NPAT: variants seen among roughly 807,000 people sequenced by gnomAD.
The protein encoded by NPAT is protein NPAT.
A neutral mutation model predicts 130.7 loss-of-function variants in NPAT; 52 were observed. The observed-to-expected ratio is 0.40, with a 90% CI of 0.32 to 0.50. The LOEUF (loss-of-function observed/expected upper bound fraction) is 0.50, where lower values mean the gene tolerates loss of function less well. Among genes scored for constraint, NPAT ranks in the 20% least tolerant of loss-of-function variants. NPAT has a pLI of 0.68. For missense variants in NPAT, 1,687 were observed against 1,662.6 expected, an observed-to-expected ratio of 1.01 and a Z score of -0.26; for synonymous variants, 580 against 584.8, an observed-to-expected ratio of 0.99 and a Z score of 0.12.
chr11:108,177,123 C>T (rs1381676793), intron 10 of NPAT, 33 bp from the exon 11 acceptor site: 14 of 1,137,814 alleles, frequency 1.2e-5, no homozygotes, highest in Non-Finnish European at 1.9e-5. Flanking sequence ...AGGCATGATT[C>T]TAACTGAATT....
At chr11:108,222,118 G>A (rs1011355360) in intron 1 of NPAT, among the ~76,000 whole-genome samples, 1 of 152,048 alleles carries the variant, frequency 6.6e-6, no homozygotes, top group Non-Finnish European at 1.5e-5. Context: ...GCCCTATTTT[G>A]GTCCCAACAC....
rs781030173 is a variant in NPAT, at chr11:108,189,310, C to A, written c.352G>T (p.Ala118Ser). 6.2e-7 allele frequency: 1 copy of A among 1,614,142 alleles called. No homozygotes were observed. Among genetic ancestry groups the A allele is most frequent in the Admixed American group, 1.7e-5 (1 of 60,010 alleles). Residue 118 changes from alanine (A) to serine (S), a missense_variant, in exon 6 of 18, where the codon GCA becomes TCA. Physicochemically the swap from Ala to Ser is moderately conservative, Grantham distance 99 (BLOSUM62 1). Coordinates refer to ENST00000278612, the MANE Select transcript of NPAT (RefSeq NM_002519.3). The stretch of plus-strand genomic sequence containing the variant: ...AGCTTTCTCTGCCGTTTGATTTCTG[C>A]AATTCCAGTTCTCGTTCGGGCTGAA... ...SQRARTRTGI[A>S]EIKRQRKLAS...
At chr11:108,174,955 C>T (rs553997299) in intron 12 of NPAT, among the ~76,000 whole-genome samples, 60 of 152,240 alleles carry the variant, frequency 3.9e-4, no homozygotes, top group Admixed American at 9.2e-4. Context: ...ATACAGCATT[C>T]ACAATTTAGG....
intron 11 of NPAT, 36 bp downstream of exon 11, chr11:108,176,958 C>CT (rs754238482): frequency 8.2e-5 from 112 of 1,366,640 alleles, no homozygotes; most frequent in Non-Finnish European, 9.8e-5. Flanking sequence ...TTGTAGAAGC[C>CT]TTTTTTTTCT....
At chr11:108,189,007 GC>G in intron 6 of NPAT, 98 bp downstream of exon 6, 1 of 906,924 alleles carries the variant, frequency 1.1e-6, no homozygotes, top group Non-Finnish European at 1.8e-6. Context: ...TATGGGGGGG[GC>G]CATAATTTTA....
chr11:108,205,440 A>T (rs1417161604), intron 1 of NPAT, among the ~76,000 whole-genome samples: 3 of 151,972 alleles, frequency 2.0e-5, no homozygotes, highest in African/African-American at 7.3e-5. Context: ...AAATGAAAAA[A>T]TTTTTAATAG....
chr11:108,198,763 T>C (rs1007670668), intron 1 of NPAT, among the ~76,000 whole-genome samples: 5 of 152,220 alleles, frequency 3.3e-5, no homozygotes, highest in Non-Finnish European at 2.9e-5. Flanking sequence ...TACCTGCCTT[T>C]GGAATCCCCT....
intron 7 of NPAT, 79 bp downstream of exon 7, chr11:108,188,019 A>G: frequency 1.0e-6 from 1 of 973,856 alleles, no homozygotes; most frequent in Non-Finnish European, 1.7e-6. Context: ...GTTTATTCAC[A>G]ATGTAAGTAT....
rs547285002 is a variant in NPAT at position 108,221,946 on chromosome 11, T to C, written c.37+554A>G. On this transcript the variant is annotated intron_variant, in intron 1 of 17. Coordinates refer to ENST00000278612, the MANE Select transcript of NPAT (RefSeq NM_002519.3). ...GAACAGGAATTGCTGTTTTAAAATA[T>C]GCAACTGGCATTTCACACCTCTACA... 2.0e-5 allele frequency among the ~76,000 whole-genome samples: 3 copies of C among 152,334 alleles called. No individual in the cohort carries two copies. The South Asian group carries it at 6.2e-4, about 32-fold the overall frequency.
intron 10 of NPAT, among the ~76,000 whole-genome samples, chr11:108,183,952 C>A (rs1203034908): frequency 2.1e-5 from 3 of 141,526 alleles, no homozygotes; most frequent in South Asian, 2.4e-4. Context: ...CAAGCCCGGG[C>A]AACAAAGTGA....
chr11:108,197,173 T>C, intron 2 of NPAT, 129 bp downstream of exon 2: 1 of 726,838 alleles, frequency 1.4e-6, no homozygotes, highest in Admixed American at 2.1e-5. Context: ...GTCTTACCAG[T>C]CATGCATGAA....
intron 10 of NPAT, among the ~76,000 whole-genome samples, chr11:108,184,543 T>G (rs962812345): frequency 1.3e-5 from 2 of 152,166 alleles, no homozygotes; most frequent in African/African-American, 4.8e-5. Flanking sequence ...TTTTTCTTAT[T>G]TTTTTGAGAC....
At position 108,185,332 on chromosome 11, in the gene NPAT, A is replaced by G. The variant is rs544486975; in HGVS notation, c.819-13T>C. 56 of 1,598,802 alleles carry G rather than the reference A, an allele frequency of 3.5e-5. No homozygotes were observed. The South Asian group carries it at 5.8e-4, about 17-fold the overall frequency. On this transcript the variant is annotated splice_polypyrimidine_tract_variant and intron_variant, in intron 9 of 17. Transcript: ENST00000278612. The stretch of plus-strand genomic sequence containing the variant: ...AATATTGTTATCACTGTTAATAAAG[A>G]AAGAAAAATCTTTATTATAGTTATG...
At chr11:108,205,565 A>C (rs1463316415) in intron 1 of NPAT, among the ~76,000 whole-genome samples, 1 of 152,226 alleles carries the variant, frequency 6.6e-6, no homozygotes, top group Non-Finnish European at 1.5e-5. Flanking sequence ...CACCACAGCC[A>C]GCCTCAAGGA....
intron 1 of NPAT, among the ~76,000 whole-genome samples, chr11:108,199,233 C>A (rs1050874229): frequency 3.3e-5 from 5 of 152,168 alleles, no homozygotes; most frequent in Non-Finnish European, 5.9e-5. Context: ...AGTTTTTGGG[C>A]GCTGCTGTGT....
At chr11:108,203,804 TA>T (rs1565325489) in intron 1 of NPAT, among the ~76,000 whole-genome samples, 2 of 152,270 alleles carry the variant, frequency 1.3e-5, no homozygotes, top group African/African-American at 4.8e-5. Flanking sequence ...GCTCTAGCCA[TA>T]ACATTGTTTC....
At chr11:108,210,201 A>G (rs1156229998) in intron 1 of NPAT, among the ~76,000 whole-genome samples, 1 of 152,040 alleles carries the variant, frequency 6.6e-6, no homozygotes, top group East Asian at 1.9e-4. Context: ...TATCTCAACA[A>G]TTTAGAGAAT....
chr11:108,173,752 T>A lies in NPAT; in HGVS notation c.1232A>T (p.Glu411Val), dbSNP rs201010866. 5.6e-5 allele frequency: 90 copies of A among 1,614,190 alleles called. No homozygotes were observed. In the African/African-American group the frequency reaches 1.2e-3, roughly 21 times the overall value. ...TATTTGGGAAAAATTTTCCTGGTCT[T>A]CTTGTCTAAGCACATCATGGTTGTT... ...NSNNHDVLRQ[E>V]DQENFSQIST... is the part of the protein sequence containing the mutation. The change falls in exon 13 of 18, where the codon GAA becomes GTA. Residue 411 changes from glutamate to valine, a missense_variant. By Grantham distance (121) the Glu-to-Val change is moderately radical (BLOSUM62 -2). Coordinates refer to ENST00000278612, the MANE Select transcript of NPAT (RefSeq NM_002519.3).
chr11:108,168,880 T>C lies in NPAT; in HGVS notation c.3010+864A>G, dbSNP rs188621665. Reference sequence around the variant, plus strand: ...TGCTGGGAAGTGGTAAGAGATGAGATGGAGAGGTCGAGAGTGACTAGATGA... The same window carrying C: ...TGCTGGGAAGTGGTAAGAGATGAGACGGAGAGGTCGAGAGTGACTAGATGA... On this transcript the variant is annotated intron_variant, in intron 15 of 17. Coordinates refer to ENST00000278612, the MANE Select transcript of NPAT (RefSeq NM_002519.3). Among the ~76,000 whole-genome samples the C allele has an allele frequency of 3.9e-5, 6 of 152,106 alleles. No homozygotes were observed. The East Asian group carries it at 9.7e-4, about 25-fold the overall frequency.
Sources: allele counts gnomAD v4.1 joint callset (sites outside exome capture counted in the v4.1 genomes callset), GRCh38; gene constraint gnomAD v4.1.1; transcripts MANE v1.5; gene names NCBI Gene and HGNC (gene_info 2026-07-23, HGNC 2026-07-21).